The following PRH1 variants were observed in gnomAD, a reference collection of about 807,000 sequenced individuals.
PRH1 encodes salivary acidic proline-rich phosphoprotein 1/2.
Under a neutral mutation model 7.9 loss-of-function variants are expected in PRH1, and 7 were observed. The observed-to-expected ratio is 0.89, with a 90% CI of 0.50 to 1.67. The LOEUF is 1.67. Ranked by LOEUF, PRH1 falls within the 40% of genes most tolerant of loss-of-function variation. PRH1 has a pLI of 0.00. For synonymous variants in PRH1, 45 were observed against 80.8 expected (o/e 0.56, Z 2.38); for missense variants, 109 against 223.6 (o/e 0.49, Z 3.27).
chr12:11,084,621 C>CA (rs368331845), intron 1 of PRH1, among the ~76,000 whole-genome samples: 13,972 of 54,354 alleles, frequency 0.26, 880 homozygotes, highest in East Asian at 0.37. Context: ...ATAATTTTTA[C>CA]CTTTAATATT....
intron 1 of PRH1, among the ~76,000 whole-genome samples, chr12:11,148,730 A>G (rs1350006750): frequency 8.8e-6 from 1 of 113,208 alleles, no homozygotes; most frequent in Non-Finnish European, 2.1e-5. Context: ...TTCATCAAGG[A>G]TATTAGTCTA....
chr12:11,111,125 C>G (rs1945578286), intron 1 of PRH1, among the ~76,000 whole-genome samples: 1 of 152,090 alleles, frequency 6.6e-6, no homozygotes, highest in Non-Finnish European at 1.5e-5. Flanking sequence ...TATGTGCACC[C>G]AATACAGGGG....
At chr12:11,126,830 G>A (rs554851012) in intron 1 of PRH1, among the ~76,000 whole-genome samples, 1 of 152,234 alleles carries the variant, frequency 6.6e-6, no homozygotes, top group African/African-American at 2.4e-5. Context: ...CTCATTAAAA[G>A]GACTCAAAGA....
intron 1 of PRH1, among the ~76,000 whole-genome samples, chr12:11,098,058 T>G (rs374908331): frequency 3.2e-5 from 2 of 62,686 alleles, no homozygotes; most frequent in African/African-American, 7.3e-5. Context: ...TTGGCATTTT[T>G]GAACACTAAC....
chr12:11,021,636 G>A (rs772299672), intron 1 of PRH1: 2 of 1,565,754 alleles, frequency 1.3e-6, no homozygotes, highest in Non-Finnish European at 1.7e-6. Context: ...TGCTCCCCTT[G>A]TGAATCTATG....
chr12:11,048,055 A>T (rs565766145), upstream of PRH1, among the ~76,000 whole-genome samples: 1 of 152,180 alleles, frequency 6.6e-6, no homozygotes, highest in East Asian at 1.9e-4. Context: ...CATAAAATAT[A>T]CCTACATATA....
chr12:11,102,045 T>C (rs1175283634), intron 1 of PRH1, among the ~76,000 whole-genome samples: 1 of 151,902 alleles, frequency 6.6e-6, no homozygotes, highest in East Asian at 1.9e-4. Flanking sequence ...TAAAAGAGGA[T>C]ACAAACAAAT....
At chr12:10,903,833 G>A (rs907211839) in intron 2 of PRH1, among the ~76,000 whole-genome samples, 6 of 146,150 alleles carry the variant, frequency 4.1e-5, no homozygotes, top group Non-Finnish European at 6.0e-5. Flanking sequence ...AAAGTTTCAG[G>A]ATACAAATCA....
chr12:11,041,266 G>A (rs1591871429), intron 1 of PRH1, among the ~76,000 whole-genome samples: 1 of 51,630 alleles, frequency 1.9e-5, no homozygotes, highest in South Asian at 6.4e-4. Context: ...GATGGAAAAA[G>A]ATATTCCATG....
chr12:11,016,611 G>C (rs1175544637), intron 1 of PRH1, among the ~76,000 whole-genome samples: 1 of 152,188 alleles, frequency 6.6e-6, no homozygotes, highest in Non-Finnish European at 1.5e-5. Flanking sequence ...AAAGTGCGGG[G>C]ACTGCGGGCA....
At chr12:10,985,881 T>A in intron 1 of PRH1, 3 of 1,357,962 alleles carry the variant, frequency 2.2e-6, no homozygotes, top group Non-Finnish European at 1.0e-6. Flanking sequence ...TTCCAGACAC[T>A]ATCAGTTTGT....
At chr12:10,974,828 A>G (rs1293406370) in intron 1 of PRH1, among the ~76,000 whole-genome samples, 1 of 152,246 alleles carries the variant, frequency 6.6e-6, no homozygotes, top group Non-Finnish European at 1.5e-5. Flanking sequence ...AGAATTCAGA[A>G]TATGGATGGG....
chr12:10,886,267 G>T (rs10772379), upstream of PRH1, among the ~76,000 whole-genome samples: 76,315 of 151,992 alleles, frequency 0.5, 21,470 homozygotes, highest in East Asian at 0.73. Context: ...CAAAAAGGAA[G>T]GTCAGAGAAA....
At chr12:11,154,970 T>C (rs963389078) in intron 1 of PRH1, among the ~76,000 whole-genome samples, 1 of 152,154 alleles carries the variant, frequency 6.6e-6, no homozygotes, top group Non-Finnish European at 1.5e-5. Flanking sequence ...TATACAGTTG[T>C]AGTTAGTTTC....
intron 1 of PRH1, among the ~76,000 whole-genome samples, chr12:11,020,363 G>GATACATATATATATATATAT: frequency 1.1e-5 from 1 of 87,582 alleles, no homozygotes; most frequent in South Asian, 6.5e-4. Context: ...TATGATAAGC[G>GATACATATATATATATATAT]ATATATATAT....
chr12:11,133,313 A>T, intron 1 of PRH1: 1 of 1,613,174 alleles, frequency 6.2e-7, no homozygotes, highest in South Asian at 1.1e-5. Flanking sequence ...CCCTCTTGTG[A>T]ATCTATGGAG....
At chr12:11,031,061 C>T (rs1942183806) in intron 1 of PRH1, 1 of 1,614,290 alleles carries the variant, frequency 6.2e-7, no homozygotes, top group African/African-American at 1.3e-5. Flanking sequence ...GCTGAAATGG[C>T]CGGTTACTGC....
chr12:10,972,027 T>C (rs573251160), intron 2 of PRH1, among the ~76,000 whole-genome samples: 2 of 152,322 alleles, frequency 1.3e-5, no homozygotes, highest in South Asian at 2.1e-4. Flanking sequence ...CAGTCAAACA[T>C]TATGTCAGAT....
rs12812627 is a variant in PRH1 at position 10,957,465 on chromosome 12, C to T, written c.-59+16190G>A. Among the ~76,000 whole-genome samples the T allele has an allele frequency of 8.9e-3, 1,350 of 151,682 alleles. 9 individuals are homozygous for T. The highest frequency in any genetic ancestry group is 0.015 in the Non-Finnish European group (1,020 of 67,726). ...AACCTAAAACTATTTTTTTAAAAAA[C>T]GGAAAAATAACCTAGTAAACACCAT... On this transcript the variant is annotated intron_variant, in intron 2 of 3. Transcript: ENST00000539853.
Sources: allele counts gnomAD v4.1 joint callset (sites outside exome capture counted in the v4.1 genomes callset), GRCh38; gene constraint gnomAD v4.1.1; transcripts MANE v1.5; gene names NCBI Gene and HGNC (gene_info 2026-07-23, HGNC 2026-07-21).